KAZN: variants seen among roughly 807,000 people sequenced by gnomAD.
KAZN encodes kazrin.
Under a neutral mutation model 87.4 loss-of-function variants are expected in KAZN, and 40 were observed. The ratio of observed to expected loss-of-function variants is 0.46; its 90% CI spans 0.36 to 0.60. KAZN has a LOEUF of 0.60. Among genes scored for constraint, KAZN ranks in the 20% least tolerant of loss-of-function variants. The probability of loss-of-function intolerance (pLI) is 0.00; values close to 1 mark genes in which losing one functional copy is unlikely to be tolerated. For missense variants in KAZN, 898 were observed against 1,073.9 expected (o/e 0.84, Z 2.29); for synonymous variants, 466 against 458.3 (o/e 1.02, Z -0.22).
chr1:13,948,070 C>A (rs901538739), intron 1 of KAZN, among the ~76,000 whole-genome samples: 22 of 152,130 alleles, frequency 1.4e-4, no homozygotes, highest in African/African-American at 5.1e-4. Context: ...TCCTTAATGG[C>A]AAAGACTGCT....
intron 1 of KAZN, among the ~76,000 whole-genome samples, chr1:14,145,895 C>T (rs1021872641): frequency 1.1e-4 from 17 of 152,308 alleles, no homozygotes; most frequent in Admixed American, 5.2e-4. Flanking sequence ...TGATTAACAA[C>T]GGGGTCATGA....
chr1:14,610,235 T>C (rs977927972), intron 1 of KAZN, among the ~76,000 whole-genome samples: 5 of 152,042 alleles, frequency 3.3e-5, no homozygotes, highest in African/African-American at 1.2e-4. Flanking sequence ...TGAGACAGAG[T>C]CTCATTCTGT....
At chr1:14,641,018 C>T (rs566499575) in intron 1 of KAZN, among the ~76,000 whole-genome samples, 166 of 152,286 alleles carry the variant, frequency 1.1e-3, no homozygotes, top group African/African-American at 3.8e-3. Flanking sequence ...ACCATGAATG[C>T]GTATCCCCAG....
At chr1:14,522,874 C>T (rs1671659547) in intron 2 of KAZN, among the ~76,000 whole-genome samples, 1 of 152,176 alleles carries the variant, frequency 6.6e-6, no homozygotes, top group Admixed American at 6.5e-5. Flanking sequence ...CGTGACTACT[C>T]CATGCCAACA....
intron 1 of KAZN, among the ~76,000 whole-genome samples, chr1:14,920,939 A>G (rs1287206593): frequency 6.6e-6 from 1 of 152,162 alleles, no homozygotes; most frequent in African/African-American, 2.4e-5. Context: ...ATGTACCTCA[A>G]GGTGTTTTTA....
chr1:14,585,839 C>T (rs912937209), intron 2 of KAZN, among the ~76,000 whole-genome samples: 7 of 152,190 alleles, frequency 4.6e-5, no homozygotes, highest in African/African-American at 1.2e-4. Flanking sequence ...AGTGTCACAT[C>T]GCCCACATCC....
chr1:15,103,578 A>T (rs1406981952), intron 12 of KAZN, 118 bp downstream of exon 12: 1 of 726,976 alleles, frequency 1.4e-6, no homozygotes, highest in African/African-American at 1.7e-5. Flanking sequence ...CATGCAAATC[A>T]ATGGGCAAAT....
At chr1:14,399,597 G>A (rs536970387) in intron 2 of KAZN, among the ~76,000 whole-genome samples, 1 of 152,192 alleles carries the variant, frequency 6.6e-6, no homozygotes, top group African/African-American at 2.4e-5. Context: ...CGTGTACTGG[G>A]TTTAGTCACG....
At chr1:14,855,315 A>G (rs1056875620) in intron 1 of KAZN, among the ~76,000 whole-genome samples, 1 of 152,184 alleles carries the variant, frequency 6.6e-6, no homozygotes, top group East Asian at 1.9e-4. Flanking sequence ...AGTCCTGCTG[A>G]TAAGGAGTTT....
intron 2 of KAZN, among the ~76,000 whole-genome samples, chr1:14,336,659 T>C (rs1029053979): frequency 1.3e-5 from 2 of 152,214 alleles, no homozygotes; most frequent in Admixed American, 1.3e-4. Flanking sequence ...CTCATGATTG[T>C]AAAGTAGTAT....
chr1:15,022,813 T>C (rs76822508), intron 2 of KAZN, among the ~76,000 whole-genome samples: 2,520 of 152,322 alleles, frequency 0.017, 56 homozygotes, highest in African/African-American at 0.058. Context: ...GTCTGACTCA[T>C]GATCCCTGGT....
intron 2 of KAZN, among the ~76,000 whole-genome samples, chr1:14,309,397 C>T (rs1238967449): frequency 6.6e-6 from 1 of 152,144 alleles, no homozygotes; most frequent in Non-Finnish European, 1.5e-5. Flanking sequence ...TCAGTTACTA[C>T]AGCAGAGGAC....
At chr1:14,899,370 C>T (rs569111358) in intron 1 of KAZN, among the ~76,000 whole-genome samples, 1 of 152,264 alleles carries the variant, frequency 6.6e-6, no homozygotes, top group Non-Finnish European at 1.5e-5. Flanking sequence ...AGGGTAAAAC[C>T]TTTTCCCAGG....
chr1:14,492,356 C>G (rs1168808024), intron 2 of KAZN, among the ~76,000 whole-genome samples: 1 of 152,036 alleles, frequency 6.6e-6, no homozygotes, highest in Non-Finnish European at 1.5e-5. Context: ...CTTTTCCCTG[C>G]CTCCTCGTGG....
chr1:14,599,045 C>T lies in KAZN; in HGVS notation c.48C>T (p.Val16=), dbSNP rs772982561. The change falls in exon 1 of 15, where the codon GTC becomes GTT. Residue 16 remains valine (V), a synonymous_variant. Transcript: ENST00000376030. The surrounding 1 kb of genome is among the most constrained non-coding windows in gnomAD (Gnocchi z 4.4). The part of the protein sequence containing the change: ...KQLALRIDGA[V]QSASQEVTNL... Reference sequence around the variant, plus strand: ...TCGCGCTCCGCATCGATGGGGCGGTCCAGTCGGCCAGCCAGGAGGTGACCA... The same window carrying T: ...TCGCGCTCCGCATCGATGGGGCGGTTCAGTCGGCCAGCCAGGAGGTGACCA... 5 of 1,567,506 alleles carry T rather than the reference C, an allele frequency of 3.2e-6. No individual in the cohort carries two copies. The highest frequency in any genetic ancestry group is 1.2e-5 in the South Asian group (1 of 86,164).
intron 1 of KAZN, among the ~76,000 whole-genome samples, chr1:13,991,219 T>C (rs1196619607): frequency 6.6e-6 from 1 of 152,070 alleles, no homozygotes; most frequent in African/African-American, 2.4e-5. Context: ...TGTGACTGAT[T>C]TCAAGCTACC....
chr1:14,404,447 ATTTC>A (rs1277567028), intron 2 of KAZN, among the ~76,000 whole-genome samples: 5 of 152,156 alleles, frequency 3.3e-5, no homozygotes, highest in South Asian at 2.1e-4. Flanking sequence ...TGCCTAAATA[ATTTC>A]TTTCTATCTC....
chr1:14,058,228 C>T (rs745771281), intron 1 of KAZN, among the ~76,000 whole-genome samples: 1 of 152,168 alleles, frequency 6.6e-6, no homozygotes, highest in African/African-American at 2.4e-5. Flanking sequence ...GACTCCCACA[C>T]AGACCCCTTC....
chr1:13,938,795 C>T (rs1301849679), intron 1 of KAZN, among the ~76,000 whole-genome samples: 1 of 152,218 alleles, frequency 6.6e-6, no homozygotes, highest in Admixed American at 6.5e-5. Flanking sequence ...GCCAAACCTC[C>T]TTCACTCTCT....
Sources: allele counts gnomAD v4.1 joint callset (sites outside exome capture counted in the v4.1 genomes callset), GRCh38; gene constraint gnomAD v4.1.1; non-coding constraint Gnocchi (gnomAD v3.1); transcripts MANE v1.5; gene names NCBI Gene and HGNC (gene_info 2026-07-23, HGNC 2026-07-21).